The following NEURL1 variants were observed in gnomAD, a reference collection of about 807,000 sequenced individuals.
NEURL1 encodes E3 ubiquitin-protein ligase NEURL1.
In NEURL1, 26 loss-of-function variants were observed where a neutral mutation model predicts 41.2. That is an observed-to-expected ratio of 0.63 (90% CI 0.46 to 0.87). The LOEUF (loss-of-function observed/expected upper bound fraction) is 0.87, where lower values mean the gene tolerates loss of function less well. NEURL1 is among the 40% of genes least tolerant of loss of function. The pLI is 0.00. For missense variants in NEURL1, 761 were observed against 871.1 expected (o/e 0.87, Z 1.59); for synonymous variants, 400 against 402.3 (o/e 0.99, Z 0.07).
chr10:103,565,872 C>T (rs1250695635), intron 1 of NEURL1, among the ~76,000 whole-genome samples: 5 of 151,938 alleles, frequency 3.3e-5, no homozygotes, highest in African/African-American at 4.8e-5. Flanking sequence ...AGGCTGGTCT[C>T]GAACTCCTGG....
chr10:103,540,676 A>G (rs940105564), intron 1 of NEURL1, among the ~76,000 whole-genome samples: 2 of 137,540 alleles, frequency 1.5e-5, no homozygotes, highest in Non-Finnish European at 3.0e-5. Context: ...CATTATCATT[A>G]TGAATAAGAA....
At chr10:103,544,648 G>A (rs1309349927) in intron 1 of NEURL1, among the ~76,000 whole-genome samples, 2 of 152,230 alleles carry the variant, frequency 1.3e-5, no homozygotes, top group African/African-American at 2.4e-5. Context: ...GTCTAATGTA[G>A]CCCACCTCCT....
intron 1 of NEURL1, among the ~76,000 whole-genome samples, chr10:103,506,686 A>G (rs1323819791): frequency 6.6e-6 from 1 of 151,860 alleles, no homozygotes; most frequent in Non-Finnish European, 1.5e-5. Context: ...CAGCCTCCCA[A>G]ATAGCTGAGA....
At chr10:103,579,975 C>T (rs1392774792) in intron 3 of NEURL1, among the ~76,000 whole-genome samples, 1 of 152,092 alleles carries the variant, frequency 6.6e-6, no homozygotes, top group Non-Finnish European at 1.5e-5. Context: ...AAAAACATGT[C>T]CTGCCTTTAA....
intron 4 of NEURL1, among the ~76,000 whole-genome samples, chr10:103,587,048 CAAGAA>C (rs1225190486): frequency 1.3e-5 from 2 of 149,450 alleles, no homozygotes; most frequent in East Asian, 1.9e-4. Context: ...GATTCCATCT[CAAGAA>C]AAGAAAGAGA....
chr10:103,590,446 T>G lies in NEURL1; in HGVS notation c.*74T>G. The G allele has an allele frequency of 3.1e-6, 4 of 1,281,310 alleles. No individual in the cohort carries two copies. The highest frequency in any genetic ancestry group is 3.4e-6 in the Non-Finnish European group (3 of 890,646). The allele number at this position is 1,281,310 out of a possible 1,614,324, so 79.4% of individuals were successfully genotyped here. On this transcript the variant is annotated 3_prime_UTR_variant, in exon 6 of 6. Coordinates refer to ENST00000369780, the MANE Select transcript of NEURL1 (RefSeq NM_004210.5). Reference sequence around the variant, plus strand: ...CAGTCCCAGCTGAGGAACAAGCCAGTGGGGCCCCTTCTCTTCCTCATTTTG... The same window carrying G: ...CAGTCCCAGCTGAGGAACAAGCCAGGGGGGCCCCTTCTCTTCCTCATTTTG...
chr10:103,569,937 G>A (rs1439226293), intron 1 of NEURL1, among the ~76,000 whole-genome samples: 1 of 152,172 alleles, frequency 6.6e-6, no homozygotes, highest in Non-Finnish European at 1.5e-5. Context: ...GCAGACCAAA[G>A]CCAACACAGA....
At chr10:103,571,925 TCTGA>T in intron 3 of NEURL1, 103 bp downstream of exon 3, 2 of 1,171,054 alleles carry the variant, frequency 1.7e-6, no homozygotes, top group Non-Finnish European at 1.2e-6. Context: ...GGGACCCCTC[TCTGA>T]CTGGTGCCAA....
chr10:103,563,473 G>A (rs1053073604), intron 1 of NEURL1, among the ~76,000 whole-genome samples: 4 of 152,158 alleles, frequency 2.6e-5, no homozygotes, highest in East Asian at 1.9e-4. Flanking sequence ...AAAGTGAGAC[G>A]AGACTGTCTC....
In NEURL1 at chr10:103,494,259, C is replaced by T. The variant is rs978385922; in HGVS notation, c.-129C>T. ...AGCTGAGGAGCTGCCCGCCCGCCCC[C>T]GGCTGCAGCCCCAGCAGGGCCCTCC... is the stretch of plus-strand genomic sequence containing the variant. On this transcript the variant is annotated 5_prime_UTR_variant, in exon 1 of 6. Transcript: ENST00000369780. 11 of 663,834 alleles carry T rather than the reference C, an allele frequency of 1.7e-5. No homozygotes were observed. Among genetic ancestry groups the T allele is most frequent in the Middle Eastern group, 4.3e-4 (1 of 2,318 alleles). 41.1% of individuals were successfully genotyped at this position (663,834 alleles called of 1,614,324 possible). A position where few individuals can be genotyped will look rare whatever the true frequency, so the allele number is the denominator to read the frequency against.
chr10:103,538,968 A>G (rs2034760610), intron 1 of NEURL1, among the ~76,000 whole-genome samples: 1 of 136,644 alleles, frequency 7.3e-6, no homozygotes, highest in Non-Finnish European at 1.5e-5. Context: ...TCTTTTTCAG[A>G]CAGGGTATTT....
At chr10:103,526,962 G>A (rs1256680873) in intron 1 of NEURL1, among the ~76,000 whole-genome samples, 1 of 150,528 alleles carries the variant, frequency 6.6e-6, no homozygotes, top group African/African-American at 2.4e-5. Context: ...AAGTTTATTA[G>A]AGAAGTAAAG....
intron 1 of NEURL1, among the ~76,000 whole-genome samples, chr10:103,546,558 C>A (rs2034928443): frequency 6.6e-6 from 1 of 152,198 alleles, no homozygotes; most frequent in Non-Finnish European, 1.5e-5. Flanking sequence ...TTCTAAATCC[C>A]AGCTTAGCTG....
chr10:103,588,984 G>A, intron 4 of NEURL1: 1 of 439,148 alleles, frequency 2.3e-6, no homozygotes, highest in Non-Finnish European at 4.5e-6. Context: ...AGTGACGGAA[G>A]GAGGAAGGAG....
chr10:103,543,467 C>T (rs959663639), intron 1 of NEURL1, among the ~76,000 whole-genome samples: 12 of 152,220 alleles, frequency 7.9e-5, no homozygotes, highest in African/African-American at 7.2e-5. Context: ...GTAAAGAGCC[C>T]GCACCATCGG....
intron 1 of NEURL1, 90 bp from the exon 2 acceptor site, chr10:103,570,782 T>G (rs2133877353): frequency 6.5e-7 from 1 of 1,531,790 alleles, no homozygotes; most frequent in Middle Eastern, 1.8e-4. Context: ...TGACTTCTGG[T>G]CATGCCCAGC....
At chr10:103,583,307 A>G (rs1320974679) in intron 3 of NEURL1, among the ~76,000 whole-genome samples, 1 of 152,190 alleles carries the variant, frequency 6.6e-6, no homozygotes, top group Non-Finnish European at 1.5e-5. Context: ...TTTAGTGAGA[A>G]TGTTCATTTT....
chr10:103,567,785 C>G (rs1592229188), intron 1 of NEURL1, among the ~76,000 whole-genome samples: 1 of 152,138 alleles, frequency 6.6e-6, no homozygotes, highest in East Asian at 1.9e-4. Context: ...GGTTCTGTGA[C>G]CCTGGGCAAG....
Position 103,584,671 on chromosome 10 carries a change from G to T in NEURL1, c.785G>T (p.Gly262Val). The T allele has an allele frequency of 7.0e-7, 1 of 1,428,642 alleles. No individual in the cohort carries two copies. Among genetic ancestry groups the T allele is most frequent in the Admixed American group, 3.0e-5 (1 of 33,672 alleles). 88.5% of individuals were successfully genotyped at this position (1,428,642 alleles called of 1,614,324 possible). A position where few individuals can be genotyped will look rare whatever the true frequency, so the allele number is the denominator to read the frequency against. The change falls in exon 4 of 6, where the codon GGC (glycine) becomes GTC (valine). Residue 262 changes from glycine (G) to valine (V), a missense_variant. Transcript: ENST00000369780. ...LCDLNVPGADGDEAAPAAGCP... is the reference protein window; with the variant it reads ...LCDLNVPGADVDEAAPAAGCP... ...GACCTCAACGTGCCGGGCGCGGACG[G>T]CGACGAGGCCGCGCCGGCCGCCGGC... is the stretch of plus-strand genomic sequence containing the variant.
Sources: allele counts gnomAD v4.1 joint callset (sites outside exome capture counted in the v4.1 genomes callset), GRCh38; gene constraint gnomAD v4.1.1; transcripts MANE v1.5; gene names NCBI Gene and HGNC (gene_info 2026-07-23, HGNC 2026-07-21).